Variants in TMEM223 observed in about 807,000 individuals in gnomAD.
TMEM223 encodes the protein transmembrane protein 223.
In TMEM223, 14 loss-of-function variants were observed where a neutral mutation model predicts 14.1. The ratio of observed to expected loss-of-function variants is 0.99; its 90% CI spans 0.66 to 1.55. TMEM223 has a LOEUF of 1.55. TMEM223 is among the 40% of genes most tolerant of loss of function. The pLI, the probability that TMEM223 is intolerant of heterozygous loss-of-function variation, is 0.00. For missense variants in TMEM223, 346 were observed against 269.9 expected (o/e 1.28, Z -1.97); for synonymous variants, 145 against 120.5 (o/e 1.20, Z -1.33).
downstream of TMEM223, chr11:62,787,444 T>G (rs747484225): frequency 1.3e-6 from 2 of 1,568,984 alleles, no homozygotes; most frequent in East Asian, 4.6e-5. Flanking sequence ...GGCGCTGTCC[T>G]GGCTGCAGCG....
downstream of TMEM223, chr11:62,788,051 G>A (rs2134737026): frequency 2.2e-6 from 1 of 454,170 alleles, no homozygotes; most frequent in African/African-American, 2.0e-5. Flanking sequence ...TAATAAACAT[G>A]GGTTCATTTA....
downstream of TMEM223, chr11:62,782,854 C>G (rs376823361): frequency 6.2e-7 from 1 of 1,608,944 alleles, no homozygotes; most frequent in Non-Finnish European, 8.5e-7. Context: ...CTCACACAGC[C>G]GTAAGAACTC....
intron 1 of TMEM223, among the ~76,000 whole-genome samples, chr11:62,777,372 C>T (rs2084195342): frequency 6.6e-6 from 1 of 152,090 alleles, no homozygotes; most frequent in Non-Finnish European, 1.5e-5. Flanking sequence ...ATAAGGGAAG[C>T]AAGACCCTGA....
intron 1 of TMEM223, chr11:62,782,448 T>C (rs1242955269): frequency 1.6e-6 from 2 of 1,215,224 alleles, no homozygotes; most frequent in African/African-American, 1.5e-5. Context: ...GGGGAACCTT[T>C]TCCCTAGGAG....
At chr11:62,775,083 A>C (rs896784300) in intron 1 of TMEM223, among the ~76,000 whole-genome samples, 9 of 151,686 alleles carry the variant, frequency 5.9e-5, no homozygotes, top group Admixed American at 2.6e-4. Context: ...AAAAAAAAGA[A>C]AAGACTGGGT....
At chr11:62,783,755 ACTC>A (rs979283931), downstream of TMEM223, among the ~76,000 whole-genome samples, 5 of 151,282 alleles carry the variant, frequency 3.3e-5, no homozygotes, top group Admixed American at 3.3e-4. Context: ...CTGGTCTCAA[ACTC>A]CTAGCCTCAA....
At chr11:62,771,775 G>A (rs1001205308) in exon 3 of TMEM223, 8 of 227,486 alleles carry the variant, frequency 3.5e-5, no homozygotes, top group African/African-American at 1.8e-4. Context: ...GGAGGCTGAG[G>A]AGCGGGAGAC....
downstream of TMEM223, among the ~76,000 whole-genome samples, chr11:62,788,142 C>G (rs1383338844): frequency 6.6e-6 from 1 of 152,262 alleles, no homozygotes; most frequent in Non-Finnish European, 1.5e-5. Context: ...GTGACTCACG[C>G]CTGTAATCCC....
Position 62,792,002 on chromosome 11 carries a change from C to T in TMEM223, c.-8G>A, listed in dbSNP as rs552447048. On this transcript the variant is annotated 5_prime_UTR_variant, in exon 1 of 2. Transcript: ENST00000307366. ...CCTCCAAGGCGCCGCCATGGCCAGC[C>T]GACTTCCGGGGTGGGGCTTCCTGCC... 6.8e-5 allele frequency: 103 copies of T among 1,517,686 alleles called. No individual in the cohort carries two copies. Among genetic ancestry groups the T allele is most frequent in the Middle Eastern group, 4.7e-4 (2 of 4,272 alleles). 94.0% of individuals were successfully genotyped at this position (1,517,686 alleles called of 1,614,324 possible).
At chr11:62,786,232 C>G (rs747911838), downstream of TMEM223, 11 of 1,597,804 alleles carry the variant, frequency 6.9e-6, no homozygotes, top group Non-Finnish European at 8.6e-6. Flanking sequence ...CAAAGACATG[C>G]TAACTGTATT....
chr11:62,786,704 C>A (rs766224880), downstream of TMEM223: 1 of 1,612,436 alleles, frequency 6.2e-7, no homozygotes, highest in Non-Finnish European at 8.5e-7. Flanking sequence ...CCAGGGGGCG[C>A]GGGGCCGGAG....
At chr11:62,782,560 CT>C (rs1254799725), downstream of TMEM223, 9 of 1,356,908 alleles carry the variant, frequency 6.6e-6, no homozygotes, top group Non-Finnish European at 6.1e-6. Flanking sequence ...CCAGTCACCC[CT>C]GGCAGCCTTC....
At chr11:62,785,593 G>T (rs1218679407), downstream of TMEM223, among the ~76,000 whole-genome samples, 1 of 150,834 alleles carries the variant, frequency 6.6e-6, no homozygotes, top group African/African-American at 2.4e-5. Context: ...GGAGTGCGGT[G>T]GTGTGATCTC....
downstream of TMEM223, among the ~76,000 whole-genome samples, chr11:62,788,709 T>G (rs998395323): frequency 3.3e-5 from 5 of 149,832 alleles, no homozygotes; most frequent in African/African-American, 1.2e-4. Flanking sequence ...TCACAGATAG[T>G]TATTTGTTGA....
chr11:62,789,008 A>G, downstream of TMEM223: 1 of 1,602,896 alleles, frequency 6.2e-7, no homozygotes, highest in South Asian at 1.1e-5. Flanking sequence ...AGGACTCAGC[A>G]GCTTCTCTCC....
chr11:62,786,776 A>G (rs1178854878), downstream of TMEM223: 3 of 1,612,102 alleles, frequency 1.9e-6, no homozygotes, highest in Non-Finnish European at 2.5e-6. Context: ...TTCTTCGGTG[A>G]CAGCTTGGCC....
At chr11:62,791,297 G>C (rs1489305467) in intron 1 of TMEM223, among the ~76,000 whole-genome samples, 2 of 151,934 alleles carry the variant, frequency 1.3e-5, no homozygotes, top group African/African-American at 4.8e-5. Context: ...TCGCTCGGTC[G>C]CTTAGGCTGG....
intron 1 of TMEM223, among the ~76,000 whole-genome samples, chr11:62,780,657 C>T (rs774297840): frequency 2.0e-5 from 3 of 151,700 alleles, no homozygotes; most frequent in Non-Finnish European, 4.4e-5. Context: ...TGGCTGGGTG[C>T]GGTGGTTCAC....
chr11:62,777,930 T>G, intron 1 of TMEM223: 2 of 1,603,064 alleles, frequency 1.2e-6, no homozygotes, highest in Non-Finnish European at 1.7e-6. Context: ...TCCTGACGCC[T>G]GCTCCCTCCC....
Sources: allele counts gnomAD v4.1 joint callset (sites outside exome capture counted in the v4.1 genomes callset), GRCh38; gene constraint gnomAD v4.1.1; transcripts MANE v1.5; gene names NCBI Gene and HGNC (gene_info 2026-07-23, HGNC 2026-07-21).